The following MECOM variants were observed in gnomAD, a reference collection of about 807,000 sequenced individuals.
The protein encoded by MECOM is histone-lysine N-methyltransferase MECOM.
MECOM carries 13 observed loss-of-function variants against 116.3 expected under a neutral mutation model. That is an observed-to-expected ratio of 0.11 (90% CI 0.07 to 0.18). The LOEUF (loss-of-function observed/expected upper bound fraction) is 0.18, where lower values mean the gene tolerates loss of function less well. MECOM is among the 10% of genes least tolerant of loss of function. MECOM has a pLI of 1.00. For missense variants in MECOM, 1,299 were observed against 1,509.0 expected (o/e 0.86, Z 2.31); for synonymous variants, 528 against 535.2 (o/e 0.99, Z 0.19).
intron 1 of MECOM, among the ~76,000 whole-genome samples, chr3:169,640,704 C>T (rs542783778): frequency 2.6e-5 from 4 of 152,136 alleles, no homozygotes; most frequent in African/African-American, 4.8e-5. Flanking sequence ...GTCTCATCTC[C>T]GTGTTATAGA....
At chr3:169,288,668 A>C (rs1265182211) in intron 2 of MECOM, among the ~76,000 whole-genome samples, 1 of 152,068 alleles carries the variant, frequency 6.6e-6, no homozygotes, top group Non-Finnish European at 1.5e-5. Flanking sequence ...TTGTTGTCTC[A>C]TGTAATCTGC....
chr3:169,107,900 G>C (rs772247497), intron 10 of MECOM, 26 bp downstream of exon 10: 20 of 1,603,566 alleles, frequency 1.2e-5, no homozygotes, highest in Non-Finnish European at 1.4e-5. Flanking sequence ...CATCACTTTA[G>C]TCAAAAATAT....
In MECOM at chr3:169,263,114, TATATATATATATATG is replaced by T. The variant is rs1560061005; in HGVS notation, c.375+118058_375+118072del. Among the ~76,000 whole-genome samples the T allele has an allele frequency of 1.5e-3, 154 of 100,014 alleles. 2 individuals carry two copies. The highest frequency in any genetic ancestry group is 2.1e-3 in the Non-Finnish European group (115 of 54,208). The allele number at this position is 100,014 out of a possible 152,430, so 65.6% of individuals were successfully genotyped here. A position where few individuals can be genotyped will look rare whatever the true frequency, so the allele number is the denominator to read the frequency against. The stretch of plus-strand genomic sequence containing the variant: ...ATATATATATATATATATATATATA[TATATATATATATATG>T]TTTTTTTTTTTTTTTTTGAGACAGA... On this transcript the variant is annotated intron_variant, in intron 2 of 16. Coordinates refer to ENST00000651503, the MANE Select transcript of MECOM (RefSeq NM_004991.4).
At chr3:169,319,856 C>A (rs561009569) in intron 2 of MECOM, among the ~76,000 whole-genome samples, 2 of 152,200 alleles carry the variant, frequency 1.3e-5, no homozygotes, top group African/African-American at 2.4e-5. Context: ...GAACCTCAAC[C>A]AGTTAACTGT....
At chr3:169,333,591 C>T (rs1003795601) in intron 2 of MECOM, among the ~76,000 whole-genome samples, 2 of 152,052 alleles carry the variant, frequency 1.3e-5, no homozygotes, top group East Asian at 3.9e-4. Flanking sequence ...TTCAGATATG[C>T]TATTTTCACA....
intron 11 of MECOM, 119 bp downstream of exon 11, chr3:169,101,941 A>G: frequency 1.2e-6 from 1 of 865,548 alleles, no homozygotes; most frequent in African/African-American, 1.7e-5. Context: ...AGTGCTGGAG[A>G]TCTATTATGG....
chr3:169,382,628 GA>G (rs1388197222), intron 1 of MECOM, among the ~76,000 whole-genome samples: 2 of 151,896 alleles, frequency 1.3e-5, no homozygotes, highest in African/African-American at 4.8e-5. Context: ...TTCAAGGAAG[GA>G]ACTAAGAAAA....
chr3:169,211,948 G>A (rs1194585549), intron 2 of MECOM, among the ~76,000 whole-genome samples: 1 of 152,002 alleles, frequency 6.6e-6, no homozygotes, highest in Non-Finnish European at 1.5e-5. Flanking sequence ...TTTCTCAGTT[G>A]CCTCTATCCC....
Position 169,116,480 on chromosome 3 carries a change from C to G in MECOM, c.1392G>C (p.Pro464=), listed in dbSNP as rs73029150. ...TGGCGCCAAAATAGTCAGCAAGGCC[C>G]GGGTTGGCATGACTCATATTAACCA... The part of the protein sequence containing the change: ...TSMVNMSHAN[P]GLADYFGANR... The change falls in exon 8 of 17, where the codon CCG becomes CCC. Residue 464 remains proline, a synonymous_variant. Transcript: ENST00000651503. 3 of 1,614,114 alleles carry G rather than the reference C, an allele frequency of 1.9e-6. No homozygotes were observed. The highest frequency in any genetic ancestry group is 1.1e-5 in the South Asian group (1 of 91,084).
chr3:169,086,975 G>A (rs929110419), intron 16 of MECOM, among the ~76,000 whole-genome samples: 7 of 152,050 alleles, frequency 4.6e-5, no homozygotes, highest in African/African-American at 1.4e-4. Context: ...ATAAATGAAC[G>A]AATGAATGAT....
rs188450914 is a variant in MECOM at position 169,214,281 on chromosome 3, G to A, written c.376-70449C>T. Among the ~76,000 whole-genome samples the A allele has an allele frequency of 1.0e-3, 158 of 152,008 alleles. 1 individual carries two copies. Among genetic ancestry groups the A allele is most frequent in the South Asian group, 2.7e-3 (13 of 4,818 alleles). On this transcript the variant is annotated intron_variant, in intron 2 of 16. Coordinates refer to ENST00000651503, the MANE Select transcript of MECOM (RefSeq NM_004991.4). ...AAAAGAGAACTAAACTAAACTAAAA[G>A]AACTAAACTAAACATAGTGGATGGC... is the stretch of plus-strand genomic sequence containing the variant.
chr3:169,619,907 C>T (rs1267434435), intron 1 of MECOM, among the ~76,000 whole-genome samples: 1 of 152,238 alleles, frequency 6.6e-6, no homozygotes, highest in Non-Finnish European at 1.5e-5. Flanking sequence ...TGAAAAACAG[C>T]ACCCTGGTGT....
chr3:169,288,772 T>C (rs2149691575), intron 2 of MECOM, among the ~76,000 whole-genome samples: 1 of 152,294 alleles, frequency 6.6e-6, no homozygotes, highest in South Asian at 2.1e-4. Flanking sequence ...AGGTGTTCCG[T>C]CAGTATTTGA....
intron 2 of MECOM, among the ~76,000 whole-genome samples, chr3:169,258,485 GTTC>G (rs939132013): frequency 9.2e-5 from 14 of 152,066 alleles, no homozygotes; most frequent in African/African-American, 3.1e-4. Flanking sequence ...TTCTATTACT[GTTC>G]TTCTAAATTC....
chr3:169,268,424 CTG>C (rs1448091421), intron 2 of MECOM, among the ~76,000 whole-genome samples: 1 of 152,160 alleles, frequency 6.6e-6, no homozygotes, highest in Non-Finnish European at 1.5e-5. Context: ...AGGAGGAGAA[CTG>C]TTCTTTAGCA....
intron 1 of MECOM, among the ~76,000 whole-genome samples, chr3:169,649,325 C>T (rs552888547): frequency 1.2e-4 from 18 of 145,838 alleles, no homozygotes; most frequent in African/African-American, 4.3e-4. Flanking sequence ...AAGAGAATCG[C>T]TTGAACCCAG....
intron 1 of MECOM, among the ~76,000 whole-genome samples, chr3:169,394,299 A>G (rs550433108): frequency 6.6e-6 from 1 of 152,228 alleles, no homozygotes; most frequent in Non-Finnish European, 1.5e-5. Flanking sequence ...CAAAGGACTT[A>G]CAATCTTGTT....
At chr3:169,627,868 G>T (rs934371679) in intron 1 of MECOM, among the ~76,000 whole-genome samples, 2 of 152,208 alleles carry the variant, frequency 1.3e-5, no homozygotes, top group African/African-American at 4.8e-5. Context: ...TTAATTTACA[G>T]TTCTGTGAGC....
intron 1 of MECOM, among the ~76,000 whole-genome samples, chr3:169,588,997 T>C (rs1382215808): frequency 6.6e-6 from 1 of 152,120 alleles, no homozygotes; most frequent in East Asian, 1.9e-4. Flanking sequence ...CATGTCCAAT[T>C]AGAGGGCTGG....
Sources: allele counts gnomAD v4.1 joint callset (sites outside exome capture counted in the v4.1 genomes callset), GRCh38; gene constraint gnomAD v4.1.1; transcripts MANE v1.5; gene names NCBI Gene and HGNC (gene_info 2026-07-23, HGNC 2026-07-21).